PCTP: variants seen among roughly 807,000 people sequenced by gnomAD.
PCTP encodes the protein START domain-containing protein 2.
PCTP carries 27 observed loss-of-function variants against 31.0 expected under a neutral mutation model. That is an observed-to-expected ratio of 0.87 (90% confidence interval 0.64 to 1.20). The LOEUF (loss-of-function observed/expected upper bound fraction) is 1.20. Ranked by LOEUF, PCTP falls within the 50% of genes most tolerant of loss-of-function variation. The pLI is 0.00. For synonymous variants in PCTP, 108 were observed against 101.2 expected (o/e 1.07, Z -0.40); for missense variants, 287 against 268.2 (o/e 1.07, Z -0.49).
the PCTP span, among the ~76,000 whole-genome samples, chr17:55,847,855 C>A: frequency 6.6e-6 from 1 of 152,200 alleles, no homozygotes; most frequent in Admixed American, 6.5e-5. Flanking sequence ...ACTGTTCAGT[C>A]TACCAATTCA....
chr17:55,850,008 G>GA, the PCTP span, among the ~76,000 whole-genome samples: 246 of 152,188 alleles, frequency 1.6e-3, 1 homozygote, highest in Middle Eastern at 0.014. Flanking sequence ...GTTTAAATAA[G>GA]AAAGACTTCA....
At chr17:55,758,562 T>C (rs1910170002) in intron 1 of PCTP, among the ~76,000 whole-genome samples, 1 of 152,224 alleles carries the variant, frequency 6.6e-6, no homozygotes, top group Admixed American at 6.5e-5. Flanking sequence ...CTCCTTTCTG[T>C]CATCCTTCTG....
chr17:55,769,208 TC>T (rs1413298467), intron 2 of PCTP: 1 of 152,230 alleles, frequency 6.6e-6, no homozygotes, highest in East Asian at 1.9e-4. Context: ...ATTCTACTTT[TC>T]TAGGGATGAC....
chr17:55,767,667 G>A (rs563443127), intron 2 of PCTP, among the ~76,000 whole-genome samples: 1 of 149,964 alleles, frequency 6.7e-6, no homozygotes, highest in South Asian at 2.1e-4. Flanking sequence ...GTTTCTCCAT[G>A]TTAGTCAGGC....
chr17:55,813,485 T>C (rs1912819567), intron 3 of PCTP, among the ~76,000 whole-genome samples: 1 of 152,116 alleles, frequency 6.6e-6, no homozygotes, highest in Admixed American at 6.5e-5. Context: ...CAGCTAATTT[T>C]TGTGTTTTCA....
chr17:55,796,035 G>T (rs542698575), intron 3 of PCTP, among the ~76,000 whole-genome samples: 6 of 152,156 alleles, frequency 3.9e-5, no homozygotes, highest in South Asian at 2.1e-4. Flanking sequence ...ATAAGTGTAA[G>T]TAGGAGTTAA....
the PCTP span, among the ~76,000 whole-genome samples, chr17:55,851,686 T>C: frequency 2.6e-5 from 4 of 152,228 alleles, no homozygotes; most frequent in Admixed American, 6.5e-5. Context: ...AAGGGACTTA[T>C]TGGGTCAGAG....
At chr17:55,828,791 T>C (rs1905490506) in intron 5 of PCTP, among the ~76,000 whole-genome samples, 1 of 152,126 alleles carries the variant, frequency 6.6e-6, no homozygotes, top group Non-Finnish European at 1.5e-5. Context: ...CGTGCAGCAG[T>C]GGCGGGCCTA....
At chr17:55,792,391 G>A (rs1159547596) in intron 3 of PCTP, among the ~76,000 whole-genome samples, 2 of 151,268 alleles carry the variant, frequency 1.3e-5, no homozygotes, top group Non-Finnish European at 1.5e-5. Context: ...TGAAAAGGAG[G>A]GAATGTAGCT....
intron 5 of PCTP, chr17:55,775,265 A>G (rs1405840004): frequency 1.9e-5 from 23 of 1,232,758 alleles, no homozygotes; most frequent in Non-Finnish European, 2.2e-5. Context: ...GAAAGCTTCC[A>G]CTTTTGTTGT....
intron 2 of PCTP, 67 bp from the exon 3 acceptor site, chr17:55,771,039 G>A (rs1910965774): frequency 2.4e-6 from 3 of 1,251,664 alleles, no homozygotes; most frequent in African/African-American, 1.5e-5. Context: ...GGCCTAAGAG[G>A]TCATACCCTT....
chr17:55,792,272 A>G (rs1303808599), intron 3 of PCTP, among the ~76,000 whole-genome samples: 3 of 150,862 alleles, frequency 2.0e-5, no homozygotes, highest in African/African-American at 7.3e-5. Flanking sequence ...TAACCTGCAC[A>G]TTGTGCACAT....
chr17:55,837,087 TG>T (rs1905801778), intron 5 of PCTP, among the ~76,000 whole-genome samples: 1 of 152,120 alleles, frequency 6.6e-6, no homozygotes, highest in Non-Finnish European at 1.5e-5. Context: ...GGAAGCAGTT[TG>T]GCATATCTGA....
intron 2 of PCTP, among the ~76,000 whole-genome samples, 169 bp downstream of exon 2, chr17:55,767,621 C>G (rs886334222): frequency 1.3e-5 from 2 of 152,050 alleles, no homozygotes; most frequent in African/African-American, 2.4e-5. Context: ...CCCGCCACCA[C>G]ACCTGGCTAA....
At chr17:55,851,516 C>T in the PCTP span, among the ~76,000 whole-genome samples, 1 of 152,050 alleles carries the variant, frequency 6.6e-6, no homozygotes, top group Non-Finnish European at 1.5e-5. Flanking sequence ...CTTTTCTTTT[C>T]GTTTTAAAGG....
chr17:55,845,079 C>T (rs1420282170), downstream of PCTP, among the ~76,000 whole-genome samples: 4 of 75,484 alleles, frequency 5.3e-5, no homozygotes, highest in Non-Finnish European at 1.1e-4. Flanking sequence ...AAGGCCAAAA[C>T]TCCATCAAAA....
intron 2 of PCTP, chr17:55,770,289 G>T (rs1216704098): frequency 6.6e-6 from 1 of 152,198 alleles, no homozygotes; most frequent in Admixed American, 6.5e-5. Flanking sequence ...CCATAGTTCT[G>T]CTGATCTCTA....
chr17:55,822,628 C>T lies in PCTP; in HGVS notation c.318-133C>T, dbSNP rs1204760807. On this transcript the variant is annotated intron_variant, in intron 3 of 3. Coordinates refer to the PCTP transcript ENST00000572536. ...ACTCTTTCATTCTATTCCTCGTGAT[C>T]CAGAGGCTAGAAGTAGAATTGCATC... The T allele has an allele frequency of 1.2e-5, 5 of 406,252 alleles. No individual in the cohort carries two copies. In the East Asian group the frequency reaches 1.4e-4, roughly 12 times the overall value. 25.2% of individuals were successfully genotyped at this position (406,252 alleles called of 1,614,324 possible).
At chr17:55,830,731 CT>C (rs1905565821) in intron 5 of PCTP, among the ~76,000 whole-genome samples, 1 of 152,132 alleles carries the variant, frequency 6.6e-6, no homozygotes. Flanking sequence ...TTTGTAAGTG[CT>C]GAGCAGAGAA....
Sources: allele counts gnomAD v4.1 joint callset (sites outside exome capture counted in the v4.1 genomes callset), GRCh38; gene constraint gnomAD v4.1.1; transcripts MANE v1.5; gene names NCBI Gene and HGNC (gene_info 2026-07-23, HGNC 2026-07-21).